The following KLHDC2 variants were observed in gnomAD, a reference collection of about 807,000 sequenced individuals.
KLHDC2 encodes the protein kelch domain containing 2, also known as kelch domain-containing protein 2.
KLHDC2 carries 38 observed loss-of-function variants against 62.3 expected under a neutral mutation model. That is an observed-to-expected ratio of 0.61 (90% CI 0.47 to 0.80). The LOEUF is 0.80. Among genes scored for constraint, KLHDC2 ranks in the 30% least tolerant of loss-of-function variants. The pLI is 0.00. For synonymous variants in KLHDC2, 159 were observed against 161.0 expected (o/e 0.99, Z 0.09); for missense variants, 430 against 495.3 (o/e 0.87, Z 1.25).
chr14:49,774,728 T>C (rs778249468), intron 3 of KLHDC2, 50 bp downstream of exon 3: 2 of 1,121,546 alleles, frequency 1.8e-6, no homozygotes, highest in Non-Finnish European at 2.7e-6. Flanking sequence ...TCTTATTATC[T>C]TTCAAACAAC....
intron 1 of KLHDC2, among the ~76,000 whole-genome samples, chr14:49,769,752 CAT>C (rs10545453): frequency 0.97 from 146,736 of 151,688 alleles, 71,175 homozygotes; most frequent in East Asian, 1. Flanking sequence ...GCCTGGCCAA[CAT>C]AGTGAAACTC....
chr14:49,779,748 G>A lies in KLHDC2; in HGVS notation c.715G>A (p.Asp239Asn), dbSNP rs1354513101. 2 of 1,609,732 alleles carry A rather than the reference G, an allele frequency of 1.2e-6. No individual in the cohort carries two copies. Among genetic ancestry groups the A allele is most frequent in the Non-Finnish European group, 1.7e-6 (2 of 1,176,538 alleles). Residue 239 changes from aspartate (D) to asparagine (N), a missense_variant and splice_region_variant, in exon 8 of 13, where the codon GAT (aspartate) becomes AAT (asparagine). Asp to Asn is a conservative substitution (Grantham distance 23). Coordinates refer to ENST00000298307, the MANE Select transcript of KLHDC2 (RefSeq NM_014315.3). Reference sequence around the variant, plus strand: ...TGATAACTTAATTATCCTTTTTTAGGATGCTAGAATGAATGATCTTCACTA... The same window carrying A: ...TGATAACTTAATTATCCTTTTTTAGAATGCTAGAATGAATGATCTTCACTA... Reference protein sequence around the residue: ...RGFVFGGRYRDARMNDLHYLN... With the variant: ...RGFVFGGRYRNARMNDLHYLN...
rs1890173958 is a variant in KLHDC2 at position 49,786,244 on chromosome 14, A to T, written c.*3291A>T. 1 of 160,306 alleles carries T rather than the reference A, an allele frequency of 6.2e-6. No individual in the cohort carries two copies. Among genetic ancestry groups the T allele is most frequent in the Non-Finnish European group, 1.4e-5 (1 of 72,904 alleles). 9.9% of individuals were successfully genotyped at this position (160,306 alleles called of 1,614,324 possible). A position where few individuals can be genotyped will look rare whatever the true frequency, so the allele number is the denominator to read the frequency against. On this transcript the variant is annotated 3_prime_UTR_variant, in exon 13 of 13. Coordinates refer to ENST00000298307, the MANE Select transcript of KLHDC2 (RefSeq NM_014315.3). ...ACCAACCCCTAATGTTAATAGTGCC[A>T]AAGTTGAGAAACCCTGGGCTAGAAC...
intron 6 of KLHDC2, among the ~76,000 whole-genome samples, chr14:49,779,373 C>T (rs1276019052): frequency 6.6e-6 from 1 of 152,072 alleles, no homozygotes; most frequent in Non-Finnish European, 1.5e-5. Context: ...ATAAAGCAGC[C>T]TATTGTGTTA....
intron 10 of KLHDC2, among the ~76,000 whole-genome samples, chr14:49,781,369 C>CCCAA (rs10623363): frequency 8.0e-6 from 1 of 124,692 alleles, no homozygotes; most frequent in Non-Finnish European, 1.7e-5. Context: ...AACTCTGTCT[C>CCCAA]AAAAAAAAAA....
chr14:49,782,916 A>C lies in KLHDC2; in HGVS notation c.1184A>C (p.Asn395Thr), dbSNP rs1889977384. 1.2e-6 allele frequency: 2 copies of C among 1,613,714 alleles called. No individual in the cohort carries two copies. Among genetic ancestry groups the C allele is most frequent in the Non-Finnish European group, 1.7e-6 (2 of 1,179,710 alleles). The change falls in exon 13 of 13, where the codon AAT (asparagine) becomes ACT (threonine). Residue 395 changes from asparagine (N) to threonine (T), a missense_variant. By Grantham distance (65) the Asn-to-Thr change is moderately conservative. Transcript: ENST00000298307. ...CLPKHLLHSVNQRFGSNNTSG... is the reference protein window; with the variant it reads ...CLPKHLLHSVTQRFGSNNTSG... The stretch of plus-strand genomic sequence containing the variant: ...CCAAAACACTTACTTCACAGTGTTA[A>C]TCAGAGGTTTGGTAGTAACAACACT...
chr14:49,778,494 T>G lies in KLHDC2; in HGVS notation c.633T>G (p.Thr211=). The G allele has an allele frequency of 6.8e-7, 1 of 1,468,060 alleles. No homozygotes were observed. Among genetic ancestry groups the G allele is most frequent in the Non-Finnish European group, 9.5e-7 (1 of 1,058,160 alleles). The allele number at this position is 1,468,060 out of a possible 1,614,324, so 90.9% of individuals were successfully genotyped here. The change falls in exon 6 of 13, where the codon ACT becomes ACG. Residue 211 remains threonine, a splice_region_variant and synonymous_variant. Transcript: ENST00000298307. The part of the protein sequence containing the change: ...ETFTWSQPIT[T]GKAPSPRAAH... ...TTACCTGGAGCCAGCCTATAACTAC[T>G]GTGAGTTACTAAAGAATAATGAATT...
intron 10 of KLHDC2, 113 bp from the exon 11 acceptor site, chr14:49,782,257 T>C: frequency 1.6e-6 from 1 of 609,326 alleles, no homozygotes; most frequent in Non-Finnish European, 2.9e-6. Context: ...CATGATGTTT[T>C]GGTCTGAACT....
At chr14:49,780,344 T>A (rs1566637377) in intron 9 of KLHDC2, 22 bp downstream of exon 9, 2 of 1,390,036 alleles carry the variant, frequency 1.4e-6, no homozygotes, top group South Asian at 2.3e-5. Flanking sequence ...AAAAATATGA[T>A]AATGAAATCA....
intron 1 of KLHDC2, 97 bp downstream of exon 1, chr14:49,768,718 G>C: frequency 8.3e-7 from 1 of 1,200,446 alleles, no homozygotes; most frequent in Non-Finnish European, 1.1e-6. Context: ...CGCCGAGGGC[G>C]CTCCCCGCCT....
At chr14:49,782,761 GT>G in intron 12 of KLHDC2, 68 bp from the exon 13 acceptor site, 1 of 1,545,622 alleles carries the variant, frequency 6.5e-7, no homozygotes, top group East Asian at 2.3e-5. Flanking sequence ...GTTTTATGTA[GT>G]TTTTCAAGTG....
rs2139810525 is a variant in KLHDC2 at position 49,784,032 on chromosome 14, TCA to T, written c.*1080_*1081del. 6.6e-6 allele frequency: 1 copy of T among 152,072 alleles called. No homozygotes were observed. Among genetic ancestry groups the T allele is most frequent in the African/African-American group, 2.4e-5 (1 of 41,484 alleles). The allele number at this position is 152,072 out of a possible 1,614,324, so 9.4% of individuals were successfully genotyped here. The stretch of plus-strand genomic sequence containing the variant: ...TTAAGCAATCAAGCCACTTCACTGT[TCA>T]GTTTCTTTACATCATGAAATGAATA... On this transcript the variant is annotated 3_prime_UTR_variant, in exon 13 of 13. Transcript: ENST00000298307.
chr14:49,780,800 G>A (rs1436093011), intron 10 of KLHDC2, 25 bp downstream of exon 10: 1 of 1,178,512 alleles, frequency 8.5e-7, no homozygotes, highest in East Asian at 2.3e-5. Context: ...TTCATATACT[G>A]AATATGCATA....
Position 49,785,581 on chromosome 14 carries a change from T to TA in KLHDC2, c.*2629dup, listed in dbSNP as rs1241488811. ...TAATTTTCAAAATCCTACCTACAGT[T>TA]ACATTTAAGAGAAAGAAGGCCCAGG... On this transcript the variant is annotated 3_prime_UTR_variant, in exon 13 of 13. Coordinates refer to ENST00000298307, the MANE Select transcript of KLHDC2 (RefSeq NM_014315.3). 71 of 372,236 alleles carry TA rather than the reference T, an allele frequency of 1.9e-4. No homozygotes were observed. In the Admixed American group the frequency reaches 2.7e-3, roughly 14 times the overall value. The allele number at this position is 372,236 out of a possible 1,614,324, so 23.1% of individuals were successfully genotyped here.
chr14:49,780,364 A>C (rs1299133174), intron 9 of KLHDC2, 42 bp downstream of exon 9: 2 of 1,223,884 alleles, frequency 1.6e-6, no homozygotes, highest in African/African-American at 1.5e-5. Flanking sequence ...ATCATATATC[A>C]TCCATATCTA....
rs1358499172 is a variant in KLHDC2 at position 49,784,073 on chromosome 14, T to C, written c.*1120T>C. ...ATGAAATGAATACTTGGTATTAACC[T>C]CCCAAATTTCAAGAAAATGTAGAAT... On this transcript the variant is annotated 3_prime_UTR_variant, in exon 13 of 13. Transcript: ENST00000298307. The C allele has an allele frequency of 1.3e-5, 2 of 151,552 alleles. No homozygotes were observed. The highest frequency in any genetic ancestry group is 1.3e-4 in the Admixed American group (2 of 15,178). The allele number at this position is 151,552 out of a possible 1,614,324, so 9.4% of individuals were successfully genotyped here.
intron 9 of KLHDC2, 30 bp from the exon 10 acceptor site, chr14:49,780,673 T>G: frequency 2.1e-6 from 3 of 1,425,378 alleles, no homozygotes; most frequent in Non-Finnish European, 3.0e-6. Context: ...ATTGACAGAC[T>G]AACATACTTC....
At chr14:49,775,018 G>C (rs1448689970) in intron 3 of KLHDC2, 6 of 237,316 alleles carry the variant, frequency 2.5e-5, no homozygotes, top group African/African-American at 4.7e-5. Flanking sequence ...GTAATGGAGG[G>C]AAGGGTAAAA....
intron 1 of KLHDC2, among the ~76,000 whole-genome samples, chr14:49,769,833 T>C (rs1889625264): frequency 6.6e-6 from 1 of 152,020 alleles, no homozygotes; most frequent in Non-Finnish European, 1.5e-5. Flanking sequence ...TCCCGTCTAC[T>C]TGAGAGGCTA....
Sources: allele counts gnomAD v4.1 joint callset (sites outside exome capture counted in the v4.1 genomes callset), GRCh38; gene constraint gnomAD v4.1.1; transcripts MANE v1.5; gene names NCBI Gene and HGNC (gene_info 2026-07-23, HGNC 2026-07-21).